The following ADAMTS17 variants were observed in gnomAD, a reference collection of about 807,000 sequenced individuals.
The protein encoded by ADAMTS17 is ADAM metallopeptidase with thrombospondin type 1 motif 17.
Under a neutral mutation model 141.5 loss-of-function variants are expected in ADAMTS17, and 113 were observed. The ratio of observed to expected loss-of-function variants is 0.80; its 90% confidence interval spans 0.69 to 0.93. The LOEUF (loss-of-function observed/expected upper bound fraction) is 0.93. Among genes scored for constraint, ADAMTS17 ranks in the 40% least tolerant of loss-of-function variants. The pLI, the probability that ADAMTS17 is intolerant of heterozygous loss-of-function variation, is 0.00. For synonymous variants in ADAMTS17, 768 were observed against 630.6 expected, an observed-to-expected ratio of 1.22 and a Z score of -3.27; for missense variants, 1,659 against 1,517.9, an observed-to-expected ratio of 1.09 and a Z score of -1.54.
At chr15:100,003,812 G>A (rs1289365500) in intron 18 of ADAMTS17, among the ~76,000 whole-genome samples, 1 of 152,112 alleles carries the variant, frequency 6.6e-6, no homozygotes, top group Non-Finnish European at 1.5e-5. Flanking sequence ...GATCCCTGGA[G>A]CAGTCAGATT....
At position 100,179,697 on chromosome 15, in the gene ADAMTS17, C is replaced by T. The variant is rs760909927; in HGVS notation, c.1181+19621G>A. 2.3e-4 allele frequency among the ~76,000 whole-genome samples: 35 copies of T among 152,184 alleles called. 1 individual carries two copies. Among genetic ancestry groups the T allele is most frequent in the Admixed American group, 6.5e-4 (10 of 15,278 alleles). Reference sequence around the variant, plus strand: ...GGGTTGCCTTTTTTCCACAACCTTGCCAGCATTTGTTATTGCCTGTCTTTT... The same window carrying T: ...GGGTTGCCTTTTTTCCACAACCTTGTCAGCATTTGTTATTGCCTGTCTTTT... On this transcript the variant is annotated intron_variant, in intron 8 of 21. Coordinates refer to ENST00000268070, the MANE Select transcript of ADAMTS17 (RefSeq NM_139057.4).
Position 99,976,180 on chromosome 15 carries a change from G to A in ADAMTS17, c.2992C>T (p.Gln998Ter). The A allele has an allele frequency of 1.3e-6, 2 of 1,549,710 alleles. No homozygotes were observed. Among genetic ancestry groups the A allele is most frequent in the Non-Finnish European group, 8.7e-7 (1 of 1,146,994 alleles). ...CGKGLQSRVV[Q>*]CMHKVTGRHG... ...CGCCCTGTGACCTTGTGCATGCACT[G>A]CACCACCCGGGACTGCAGGCCCTTC... The change falls in exon 21 of 22, where the codon CAG becomes TAG. Residue 998 changes from glutamine to a stop codon, truncating the protein, a stop_gained. Coordinates refer to ENST00000268070, the MANE Select transcript of ADAMTS17 (RefSeq NM_139057.4). LOFTEE classifies it high-confidence loss of function.
intron 15 of ADAMTS17, among the ~76,000 whole-genome samples, chr15:100,095,484 C>T (rs1158678964): frequency 6.6e-6 from 1 of 152,134 alleles, no homozygotes; most frequent in Non-Finnish European, 1.5e-5. Flanking sequence ...TGCTTCTGTT[C>T]TCTTGTTGGG....
At chr15:100,181,250 C>G (rs1205149053) in intron 8 of ADAMTS17, among the ~76,000 whole-genome samples, 2 of 152,216 alleles carry the variant, frequency 1.3e-5, no homozygotes, top group African/African-American at 4.8e-5. Context: ...GAAATGCTGT[C>G]CAGAGCAAAG....
intron 6 of ADAMTS17, among the ~76,000 whole-genome samples, chr15:100,260,611 T>A (rs2043482739): frequency 1.3e-5 from 1 of 76,920 alleles, no homozygotes; most frequent in Non-Finnish European, 2.8e-5. Context: ...GGAGACTCCA[T>A]CTCAAAAAAA....
intron 15 of ADAMTS17, 127 bp downstream of exon 15, chr15:100,096,229 G>C (rs1440701602): frequency 8.7e-6 from 13 of 1,494,322 alleles, no homozygotes; most frequent in Non-Finnish European, 1.2e-5. Flanking sequence ...TGAAACTGAA[G>C]TTCCAGGTCA....
At chr15:100,136,626 A>G (rs1477438683) in intron 10 of ADAMTS17, among the ~76,000 whole-genome samples, 1 of 152,182 alleles carries the variant, frequency 6.6e-6, no homozygotes, top group Non-Finnish European at 1.5e-5. Context: ...CCACTTTTCC[A>G]AAGAGGAGGT....
At chr15:100,200,412 C>T (rs2041282361) in intron 7 of ADAMTS17, among the ~76,000 whole-genome samples, 1 of 152,080 alleles carries the variant, frequency 6.6e-6, no homozygotes. Context: ...CCCATGCCGG[C>T]CGCACTTCTG....
chr15:100,301,199 C>T (rs908794160), intron 3 of ADAMTS17, among the ~76,000 whole-genome samples: 1 of 152,112 alleles, frequency 6.6e-6, no homozygotes, highest in African/African-American at 2.4e-5. Context: ...CTTTTTAACT[C>T]ATTTCTAAGT....
At chr15:100,254,043 T>C in intron 7 of ADAMTS17, 93 bp downstream of exon 7, 2 of 1,251,688 alleles carry the variant, frequency 1.6e-6, no homozygotes, top group East Asian at 2.3e-5. Flanking sequence ...GCAGTGCTTG[T>C]TTGAGGACAG....
intron 15 of ADAMTS17, among the ~76,000 whole-genome samples, chr15:100,062,712 T>C (rs2033214927): frequency 6.6e-6 from 1 of 152,352 alleles, no homozygotes; most frequent in Non-Finnish European, 1.5e-5. Context: ...AGACAAATCA[T>C]GTCTTACTTT....
At chr15:100,284,808 AAAGT>A (rs1313177369) in intron 3 of ADAMTS17, among the ~76,000 whole-genome samples, 1 of 152,226 alleles carries the variant, frequency 6.6e-6, no homozygotes, top group Non-Finnish European at 1.5e-5. Context: ...AGCAACTTCA[AAAGT>A]AAGAAGAAAA....
Position 99,997,961 on chromosome 15 carries a change from T to C in ADAMTS17, c.2592-372A>G, listed in dbSNP as rs892837112. ...GCGGCGTCCCGGCAGAAGCTCTGAATGTGGTTATGTGGTTTGGCTCTGATT... is the reference window on the plus strand; with the variant it reads ...GCGGCGTCCCGGCAGAAGCTCTGAACGTGGTTATGTGGTTTGGCTCTGATT... On this transcript the variant is annotated intron_variant, in intron 18 of 21. Coordinates refer to ENST00000268070, the MANE Select transcript of ADAMTS17 (RefSeq NM_139057.4). This position sits in a 1 kb window ranked among gnomAD's most constrained non-coding sequence, Gnocchi z 4.7. Among the ~76,000 whole-genome samples the C allele has an allele frequency of 3.9e-5, 6 of 152,206 alleles. No individual in the cohort carries two copies. Among genetic ancestry groups the C allele is most frequent in the Admixed American group, 1.3e-4 (2 of 15,278 alleles).
chr15:100,134,312 G>A (rs569221712), intron 10 of ADAMTS17, among the ~76,000 whole-genome samples: 1 of 152,314 alleles, frequency 6.6e-6, no homozygotes, highest in South Asian at 2.1e-4. Flanking sequence ...AGTGCTTCCT[G>A]GGATCACTTC....
chr15:100,045,448 G>A (rs1376693740), intron 18 of ADAMTS17, among the ~76,000 whole-genome samples: 1 of 152,096 alleles, frequency 6.6e-6, no homozygotes, highest in Non-Finnish European at 1.5e-5. Flanking sequence ...CAGCTAATTT[G>A]GCTGGAATAA....
intron 15 of ADAMTS17, among the ~76,000 whole-genome samples, chr15:100,061,918 A>C (rs2033152374): frequency 6.6e-6 from 1 of 152,256 alleles, no homozygotes; most frequent in Admixed American, 6.5e-5. Flanking sequence ...GGGGAAGGGT[A>C]ACTTTTTGGC....
chr15:100,054,872 T>C (rs2032436924), intron 15 of ADAMTS17, among the ~76,000 whole-genome samples: 1 of 152,208 alleles, frequency 6.6e-6, no homozygotes, highest in African/African-American at 2.4e-5. Flanking sequence ...ACACAAGCCA[T>C]GTATTTACTA....
At chr15:100,075,219 C>T (rs78514293) in intron 15 of ADAMTS17, among the ~76,000 whole-genome samples, 606 of 152,230 alleles carry the variant, frequency 4.0e-3, no homozygotes, top group Non-Finnish European at 6.3e-3. Context: ...ATTAGTTTGT[C>T]ATATTTACTT....
intron 7 of ADAMTS17, among the ~76,000 whole-genome samples, chr15:100,252,962 C>T (rs2043198911): frequency 6.6e-6 from 1 of 152,158 alleles, no homozygotes. Context: ...ACATCCAAGG[C>T]CACCCAGCTG....
Sources: gnomAD v4.1 joint callset for allele counts (sites outside exome capture counted in the v4.1 genomes callset) on GRCh38, gnomAD v4.1.1 for gene constraint, Gnocchi (gnomAD v3.1) non-coding constraint, MANE v1.5 for transcripts, NCBI Gene and HGNC (gene_info 2026-07-23, HGNC 2026-07-21) for gene names.